The following RAB33A variants were observed in gnomAD, a reference collection of about 807,000 sequenced individuals.
RAB33A encodes ras-related protein Rab-33A.
A neutral mutation model predicts 12.0 loss-of-function variants in RAB33A; 6 were observed. The ratio of observed to expected loss-of-function variants is 0.50; its 90% CI spans 0.27 to 0.99. The LOEUF is 0.99. Among genes scored for constraint, RAB33A ranks in the 50% least tolerant of loss-of-function variants. RAB33A has a pLI of 0.11. For synonymous variants in RAB33A, 70 were observed against 82.4 expected (o/e 0.85, Z 0.81); for missense variants, 109 against 192.0 (o/e 0.57, Z 2.55).
At chrX:130,165,425 A>G in the RAB33A span, 1 of 602,911 alleles carries the variant, frequency 1.7e-6, no homozygotes, top group Non-Finnish European at 2.8e-6. Flanking sequence ...GAGTCTGCCA[A>G]TTTGGAATTC....
chrX:130,165,725 G>A, the RAB33A span: 1 of 908,962 alleles, frequency 1.1e-6, no homozygotes, highest in South Asian at 2.1e-5. Context: ...GTCAAACACC[G>A]TGAGCCCCGG....
chrX:130,139,899 A>G, the RAB33A span: 3 of 1,157,586 alleles, frequency 2.6e-6, no homozygotes, highest in Admixed American at 4.4e-5. Context: ...AAAACCCTTT[A>G]GCCCAACAAG....
At chrX:130,137,631 T>G in the RAB33A span, 1 of 1,123,976 alleles carries the variant, frequency 8.9e-7, no homozygotes, top group South Asian at 2.2e-5. Context: ...TTTTTGGCAT[T>G]TTACAGGAAG....
At chrX:130,157,478 G>A in the RAB33A span, among the ~76,000 whole-genome samples, 237 of 111,857 alleles carry the variant, frequency 2.1e-3, no homozygotes, top group Non-Finnish European at 3.6e-3. Flanking sequence ...AGAACCAGAT[G>A]GTAAATATTT....
chrX:130,122,002 G>A, the RAB33A span, among the ~76,000 whole-genome samples: 1 of 112,278 alleles, frequency 8.9e-6, no homozygotes, highest in South Asian at 3.7e-4. Flanking sequence ...GCCTTGAGCT[G>A]TTCTGGACCC....
At chrX:130,164,311 C>T in the RAB33A span, among the ~76,000 whole-genome samples, 1 of 112,533 alleles carries the variant, frequency 8.9e-6, no homozygotes, top group Non-Finnish European at 1.9e-5. Flanking sequence ...TTTTAAGTTC[C>T]AAGAGCAGTA....
At chrX:130,152,341 G>C in the RAB33A span, among the ~76,000 whole-genome samples, 1 of 110,606 alleles carries the variant, frequency 9.0e-6, no homozygotes, top group African/African-American at 3.3e-5. Context: ...GAATGAGGTC[G>C]ATCTGTCTGA....
intron 1 of RAB33A, among the ~76,000 whole-genome samples, chrX:130,173,413 T>G (rs1261466831): frequency 8.9e-6 from 1 of 111,741 alleles, no homozygotes; most frequent in Non-Finnish European, 1.9e-5. Flanking sequence ...TTCTTGCTGG[T>G]CAAACTGCCA....
chrX:130,155,235 C>G, the RAB33A span: 2 of 1,209,094 alleles, frequency 1.7e-6, no homozygotes, highest in Non-Finnish European at 2.2e-6. Context: ...CCCAGAAGCA[C>G]CTGTAGATGC....
the RAB33A span, chrX:130,156,454 T>C: frequency 8.3e-7 from 1 of 1,211,627 alleles, no homozygotes; most frequent in Non-Finnish European, 1.1e-6. Context: ...GCTGCTTTTC[T>C]ACTTACATAG....
chrX:130,121,322 G>A, the RAB33A span, among the ~76,000 whole-genome samples: 39 of 97,250 alleles, frequency 4.0e-4, no homozygotes, highest in Non-Finnish European at 7.3e-4. Flanking sequence ...TTGGCTCACT[G>A]TAACCTCCGC....
chrX:130,153,332 GAC>G, the RAB33A span, among the ~76,000 whole-genome samples: 1 of 85,507 alleles, frequency 1.2e-5, no homozygotes, highest in Non-Finnish European at 2.2e-5. Context: ...CAGCCTGGGC[GAC>G]ACAGAGAGAC....
At chrX:130,138,443 T>G in the RAB33A span, 7 of 471,906 alleles carry the variant, frequency 1.5e-5, no homozygotes, top group African/African-American at 1.7e-4. Context: ...CCAGCCTGGG[T>G]GACAGAGCGA....
chrX:130,137,459 TACATA>T, the RAB33A span: 1 of 1,167,519 alleles, frequency 8.6e-7, no homozygotes, highest in South Asian at 1.9e-5. Flanking sequence ...ACCTAAGGCT[TACATA>T]AGTGCTTTGC....
At chrX:130,164,839 C>T in the RAB33A span, among the ~76,000 whole-genome samples, 2 of 111,654 alleles carry the variant, frequency 1.8e-5, no homozygotes, top group Non-Finnish European at 3.8e-5. Context: ...CCTCTCTGTG[C>T]CTCAGTTTAT....
chrX:130,117,610 G>T, the RAB33A span, among the ~76,000 whole-genome samples: 1 of 112,476 alleles, frequency 8.9e-6, no homozygotes, highest in African/African-American at 3.2e-5. Context: ...TTTAGGCAGA[G>T]TCAGCAAATG....
the RAB33A span, among the ~76,000 whole-genome samples, chrX:130,157,365 C>T: frequency 1.2e-4 from 13 of 111,963 alleles, no homozygotes; most frequent in South Asian, 1.1e-3. Flanking sequence ...TCTAGGGAGA[C>T]GCTGACATTT....
intron 1 of RAB33A, among the ~76,000 whole-genome samples, chrX:130,175,641 C>G (rs773415418): frequency 9.1e-6 from 1 of 109,825 alleles, no homozygotes; most frequent in South Asian, 3.9e-4. Flanking sequence ...GGATTATAGG[C>G]ACCTGCCATG....
At chrX:130,136,295 G>A in the RAB33A span, 2 of 929,817 alleles carry the variant, frequency 2.2e-6, no homozygotes, top group Non-Finnish European at 3.1e-6. Context: ...AAAAATCATG[G>A]GTTAACTTAC....
Sources: gnomAD v4.1 joint callset for allele counts (sites outside exome capture counted in the v4.1 genomes callset) on GRCh38, gnomAD v4.1.1 for gene constraint, MANE v1.5 for transcripts, NCBI Gene and HGNC (gene_info 2026-07-23, HGNC 2026-07-21) for gene names.